The following MUC6 variants were observed in gnomAD, a reference collection of about 807,000 sequenced individuals.
MUC6 encodes the protein mucin 6, oligomeric mucus/gel-forming (gene/pseudogene), also known as mucin-6.
A neutral mutation model predicts 201.5 loss-of-function variants in MUC6; 188 were observed. The observed-to-expected ratio is 0.93, with a 90% CI of 0.83 to 1.05. MUC6 has a LOEUF of 1.05. MUC6 is among the 50% of genes least tolerant of loss of function. MUC6 has a pLI of 0.00. For missense variants in MUC6, 2,706 were observed against 3,256.9 expected, an observed-to-expected ratio of 0.83 and a Z score of 4.12; for synonymous variants, 1,228 against 1,389.4, an observed-to-expected ratio of 0.88 and a Z score of 2.58.
chr11:1,016,519 C>A lies in MUC6; in HGVS notation c.6282G>T (p.Leu2094=). 2 of 1,559,596 alleles carry A rather than the reference C, an allele frequency of 1.3e-6. No individual in the cohort carries two copies. The highest frequency in any genetic ancestry group is 1.7e-6 in the Non-Finnish European group (2 of 1,159,824). Residue 2094 remains leucine (L), a synonymous_variant, in exon 31 of 33, where the codon CTG becomes CTT. Coordinates refer to ENST00000421673, the MANE Select transcript of MUC6 (RefSeq NM_005961.3). ...SSSFISSSSW[L]PQNSSSRPPS... is the part of the protein sequence containing the mutation. ...GTGGCCTTGAGCTAGAGTTCTGAGG[C>A]AGCCAAGACGAGGAGGATATGAAGG...
chr11:1,029,875 G>A (rs377081582), intron 8 of MUC6, among the ~76,000 whole-genome samples: 3 of 152,226 alleles, frequency 2.0e-5, no homozygotes, highest in Non-Finnish European at 4.4e-5. Flanking sequence ...CAATGTGCCC[G>A]GCCCAGGTTC....
In MUC6 at chr11:1,031,730, G is replaced by A; in HGVS notation, c.360C>T (p.Val120=). 1 of 1,550,484 alleles carries A rather than the reference G, an allele frequency of 6.4e-7. No homozygotes were observed. Among genetic ancestry groups the A allele is most frequent in the Admixed American group, 2.0e-5 (1 of 51,018 alleles). Residue 120 remains valine, a synonymous_variant, in exon 4 of 33, where the codon GTC becomes GTT. Transcript: ENST00000421673. The part of the protein sequence containing the change: ...EAIISVKDIG[V]ISLPYTSNGL... ...CATTGCTGGTATAGGGCAGGCTGAT[G>A]ACCCTGTGGGGCAAGGGAAGTCGGT...
intron 32 of MUC6, 104 bp downstream of exon 32, chr11:1,013,795 C>T: frequency 7.1e-7 from 1 of 1,406,368 alleles, no homozygotes; most frequent in Non-Finnish European, 9.7e-7. Context: ...GAGTGGCTCA[C>T]CTGATGGGGC....
At chr11:1,020,989 C>T (rs1188012997) in intron 27 of MUC6, among the ~76,000 whole-genome samples, 5 of 152,156 alleles carry the variant, frequency 3.3e-5, no homozygotes, top group Non-Finnish European at 7.4e-5. Context: ...GATGGGAGGG[C>T]CCAGTGGGGT....
At position 1,018,283 on chromosome 11, in the gene MUC6, G is replaced by C. The variant is rs1856720017; in HGVS notation, c.4518C>G (p.Thr1506=). 1.9e-6 allele frequency: 3 copies of C among 1,613,910 alleles called. No homozygotes were observed. The highest frequency in any genetic ancestry group is 2.2e-5 in the East Asian group (1 of 44,864). Reference sequence around the variant, plus strand: ...AGCTGTGGGCTTGGCTGGTCCCACTGGTGGTCGGCGTTATTGGTGGGGCTG... The same window carrying C: ...AGCTGTGGGCTTGGCTGGTCCCACTCGTGGTCGGCGTTATTGGTGGGGCTG... ...THTAPPITPT[T]SGTSQAHSSF... is the part of the protein sequence containing the mutation. Residue 1506 remains threonine (T), a synonymous_variant, in exon 31 of 33, where the codon ACC becomes ACG. Transcript: ENST00000421673.
intron 16 of MUC6, 58 bp from the exon 17 acceptor site, chr11:1,027,575 G>A (rs1055932581): frequency 4.0e-5 from 64 of 1,601,764 alleles, no homozygotes; most frequent in Non-Finnish European, 5.4e-5. Context: ...GGGCAATCTC[G>A]GGTTCCCCTG....
Position 1,033,134 on chromosome 11 carries a change from C to T in MUC6, c.53-59G>A. On this transcript the variant is annotated intron_variant, in intron 1 of 32. Transcript: ENST00000421673. The surrounding 1 kb of genome is among the most constrained non-coding windows in gnomAD (Gnocchi z 5.6). ...TACCCCGTCGTCCCTGAGGGCGCCGCTCACCTCTGCTCAGGGCTGCTCCGC... is the reference window on the plus strand; with the variant it reads ...TACCCCGTCGTCCCTGAGGGCGCCGTTCACCTCTGCTCAGGGCTGCTCCGC... 1 of 1,515,662 alleles carries T rather than the reference C, an allele frequency of 6.6e-7. No homozygotes were observed. Among genetic ancestry groups the T allele is most frequent in the Non-Finnish European group, 9.2e-7 (1 of 1,091,528 alleles). The allele number at this position is 1,515,662 out of a possible 1,614,324, so 93.9% of individuals were successfully genotyped here. A position where few individuals can be genotyped will look rare whatever the true frequency, so the allele number is the denominator to read the frequency against.
rs1479027553 is a variant in MUC6 at position 1,019,794 on chromosome 11, G to T, written c.3808+296C>A. Reference sequence around the variant, plus strand: ...CCAGGGTCCCTGGGCAGCAGATGGGGCCCTGCTCGGTGTGGGGCAGGGGCA... The same window carrying T: ...CCAGGGTCCCTGGGCAGCAGATGGGTCCCTGCTCGGTGTGGGGCAGGGGCA... On this transcript the variant is annotated intron_variant, in intron 29 of 32. Coordinates refer to ENST00000421673, the MANE Select transcript of MUC6 (RefSeq NM_005961.3). 3 of 623,724 alleles carry T rather than the reference G, an allele frequency of 4.8e-6. No homozygotes were observed. The East Asian group carries it at 8.2e-5, about 17-fold the overall frequency. The allele number at this position is 623,724 out of a possible 1,614,324, so 38.6% of individuals were successfully genotyped here.
chr11:1,031,141 GA>G (rs1857093302), intron 5 of MUC6, 27 bp downstream of exon 5: 3 of 378,788 alleles, frequency 7.9e-6, no homozygotes, highest in East Asian at 2.2e-4. Flanking sequence ...GGCCCCCCCA[GA>G]GGCCCCCCAG....
In MUC6 at chr11:1,033,718, G is replaced by C. The variant is rs889245722; in HGVS notation, c.53-643C>G. Among the ~76,000 whole-genome samples the C allele has an allele frequency of 6.6e-6, 1 of 151,952 alleles. No individual in the cohort carries two copies. Among genetic ancestry groups the C allele is most frequent in the African/African-American group, 2.4e-5 (1 of 41,382 alleles). On this transcript the variant is annotated intron_variant, in intron 1 of 32. Coordinates refer to ENST00000421673, the MANE Select transcript of MUC6 (RefSeq NM_005961.3). The surrounding 1 kb of genome is among the most constrained non-coding windows in gnomAD (Gnocchi z 5.6). ...ACCCTGACTCCCAGAGGCTGGGGTG[G>C]GGCCAACACCCCCCACGTCCCACCC...
At chr11:1,030,853 G>A in intron 6 of MUC6, 73 bp from the exon 7 acceptor site, 1 of 1,529,252 alleles carries the variant, frequency 6.5e-7, no homozygotes, top group East Asian at 2.4e-5. Flanking sequence ...GGTCGGGCAG[G>A]GCGTCTGTGA....
rs756178479 is a variant in MUC6, at chr11:1,019,427, C to T, written c.3878G>A (p.Arg1293Lys). Residue 1293 changes from arginine to lysine, a missense_variant, in exon 30 of 33, where the codon AGA (arginine) becomes AAA (lysine). Arg to Lys is a conservative substitution (Grantham distance 26, BLOSUM62 2). Transcript: ENST00000421673. ...CACTGTGGGTTTTGTGGCTGTCGAT[C>T]TCAGTGTGGCTGTGGGAGGCAGCCC... ...TSGLPPTATL[R>K]STATKPTVTQ... The T allele has an allele frequency of 1.2e-6, 2 of 1,613,622 alleles. No individual in the cohort carries two copies. Among genetic ancestry groups the T allele is most frequent in the Admixed American group, 1.7e-5 (1 of 59,974 alleles).
Position 1,028,859 on chromosome 11 carries a change from T to TG in MUC6, c.1453+29dup. 4 of 1,610,684 alleles carry TG rather than the reference T, an allele frequency of 2.5e-6. No individual in the cohort carries two copies. In the South Asian group the frequency reaches 3.3e-5, roughly 13 times the overall value. ...GCAGCCCGCCCCGAAGGCACAACTC[T>TG]GGGGGGCCACAGACTGGGCCAGGAC... On this transcript the variant is annotated intron_variant, in intron 12 of 32. Transcript: ENST00000421673.
Position 1,026,328 on chromosome 11 carries a change from A to G in MUC6, c.2545T>C (p.Cys849Arg), listed in dbSNP as rs2133829107. Residue 849 changes from cysteine to arginine, a missense_variant and splice_region_variant, in exon 20 of 33, where the codon TGC becomes CGC. This residue lies in a region of MUC6 where 1,850 missense variants were observed against 1,958.3 expected (regional missense o/e 0.94). Coordinates refer to ENST00000421673, the MANE Select transcript of MUC6 (RefSeq NM_005961.3). Reference sequence around the variant, plus strand: ...GTCTGAAGCGAGGCTTTGTCTCACCAGGTCCTGCAGTCAGTGTGGAGCTCA... The same window carrying G: ...GTCTGAAGCGAGGCTTTGTCTCACCGGGTCCTGCAGTCAGTGTGGAGCTCA... ...GAELHTDCRT[C>R]SCSRGRWACQ... 6.4e-7 allele frequency: 1 copy of G among 1,573,700 alleles called. No individual in the cohort carries two copies. The highest frequency in any genetic ancestry group is 8.6e-7 in the Non-Finnish European group (1 of 1,160,036).
rs1369173614 is a variant in MUC6 at position 1,028,878 on chromosome 11, C to T, written c.1453+11G>A. 1.9e-6 allele frequency: 3 copies of T among 1,611,742 alleles called. No individual in the cohort carries two copies. The South Asian group carries it at 3.3e-5, about 18-fold the overall frequency. Reference sequence around the variant, plus strand: ...CAACTCTGGGGGGCCACAGACTGGGCCAGGACGTACGAGTCTTGTATGGCA... The same window carrying T: ...CAACTCTGGGGGGCCACAGACTGGGTCAGGACGTACGAGTCTTGTATGGCA... On this transcript the variant is annotated intron_variant, in intron 12 of 32. Transcript: ENST00000421673.
intron 29 of MUC6, 79 bp downstream of exon 29, chr11:1,020,011 A>G: frequency 6.6e-7 from 1 of 1,509,744 alleles, no homozygotes; most frequent in Non-Finnish European, 9.0e-7. Flanking sequence ...AAGCAGGGCC[A>G]TCCCTAAGCC....
chr11:1,028,241 T>A lies in MUC6; in HGVS notation c.1738A>T (p.Met580Leu). ...ALERETDPCS[M>L]SQLNKVCAET... is the part of the protein sequence containing the mutation. The stretch of plus-strand genomic sequence containing the variant: ...GGACACTCACTGTTGAGCTGGCTCA[T>A]GGAGCAGGGGTCAGTCTCACGCTCC... The change falls in exon 14 of 33, where the codon ATG (methionine) becomes TTG (leucine). Residue 580 changes from methionine (M) to leucine (L), a missense_variant. Met to Leu is a conservative substitution (Grantham distance 15). Around this residue, in one of 10 missense-constraint regions of MUC6, gnomAD observed 1,850 missense variants for 1,958.3 expected, o/e 0.94. Coordinates refer to ENST00000421673, the MANE Select transcript of MUC6 (RefSeq NM_005961.3). The A allele has an allele frequency of 6.3e-7, 1 of 1,580,764 alleles. No homozygotes were observed. The highest frequency in any genetic ancestry group is 8.6e-7 in the Non-Finnish European group (1 of 1,164,082).
chr11:1,015,682 G>A, intron 31 of MUC6, 80 bp downstream of exon 31: 1 of 1,494,404 alleles, frequency 6.7e-7, no homozygotes, highest in Non-Finnish European at 8.9e-7. Context: ...GACCATGAGG[G>A]GTAAGCTGAG....
In MUC6 at chr11:1,013,921, C is replaced by G; in HGVS notation, c.7120G>C (p.Gly2374Arg). ...CACCTGGCAGCGGAAATGCAGGCGC[C>G]CTCACAGCGGGTTACCGTCACGTTC... is the stretch of plus-strand genomic sequence containing the variant. ...MANVTVTRCE[G>R]ACISAASFNI... Residue 2374 changes from glycine to arginine, a missense_variant, in exon 32 of 33, where the codon GGC becomes CGC. Physicochemically the swap from Gly to Arg is moderately radical, Grantham distance 125. This residue lies in a region of MUC6 where 586 missense variants were observed against 488.0 expected (regional missense o/e 1.20). Coordinates refer to ENST00000421673, the MANE Select transcript of MUC6 (RefSeq NM_005961.3). The G allele has an allele frequency of 1.2e-6, 2 of 1,606,926 alleles. No individual in the cohort carries two copies. Among genetic ancestry groups the G allele is most frequent in the Non-Finnish European group, 1.7e-6 (2 of 1,177,490 alleles).
Sources: allele counts gnomAD v4.1 joint callset (sites outside exome capture counted in the v4.1 genomes callset), GRCh38; gene constraint gnomAD v4.1.1; regional missense constraint gnomAD v4.1.1; non-coding constraint Gnocchi (gnomAD v3.1); transcripts MANE v1.5; gene names NCBI Gene and HGNC (gene_info 2026-07-23, HGNC 2026-07-21).